STMN1: variants seen among roughly 807,000 people sequenced by gnomAD.
STMN1 encodes stathmin 1.
Under a neutral mutation model 19.7 loss-of-function variants are expected in STMN1, and 3 were observed. That is an observed-to-expected ratio of 0.15 (90% confidence interval 0.07 to 0.39). STMN1 has a LOEUF of 0.39. Among genes scored for constraint, STMN1 ranks in the 10% least tolerant of loss-of-function variants. The pLI is 1.00. For synonymous variants in STMN1, 59 were observed against 58.9 expected, an observed-to-expected ratio of 1.00 and a Z score of -0.01; for missense variants, 99 against 176.0, an observed-to-expected ratio of 0.56 and a Z score of 2.48.
chr1:25,890,761 G>A (rs1400061399), intron 4 of STMN1, among the ~76,000 whole-genome samples: 2 of 152,182 alleles, frequency 1.3e-5, no homozygotes, highest in African/African-American at 2.4e-5. Context: ...CAGCCCAGGA[G>A]ATCCTGCTAG....
downstream of STMN1, chr1:25,885,211 A>G (rs1376970455): frequency 6.5e-6 from 1 of 153,706 alleles, no homozygotes; most frequent in East Asian, 1.9e-4. Context: ...CTTCCCAGGA[A>G]AACTCCCACC....
At chr1:25,896,728 C>G (rs2048820796), downstream of STMN1, among the ~76,000 whole-genome samples, 1 of 152,192 alleles carries the variant, frequency 6.6e-6, no homozygotes, top group East Asian at 1.9e-4. Context: ...GTCAGAAACC[C>G]TTTCCTACGC....
intron 4 of STMN1, among the ~76,000 whole-genome samples, chr1:25,894,015 G>A (rs925416619): frequency 3.3e-5 from 5 of 152,204 alleles, no homozygotes; most frequent in Non-Finnish European, 7.4e-5. Context: ...ATCTCCTACA[G>A]GAATTCATCC....
At chr1:25,896,360 T>A (rs1027950649), downstream of STMN1, among the ~76,000 whole-genome samples, 3 of 152,108 alleles carry the variant, frequency 2.0e-5, no homozygotes, top group African/African-American at 7.2e-5. Flanking sequence ...CATGGGGACT[T>A]CCCCATCCCA....
At chr1:25,899,984 G>T, downstream of STMN1, 1 of 649,664 alleles carries the variant, frequency 1.5e-6, no homozygotes. Flanking sequence ...TCCCTGAATT[G>T]AGAGGCAAAG....
At chr1:25,891,714 TG>T (rs113239829) in intron 4 of STMN1, among the ~76,000 whole-genome samples, 120 of 152,280 alleles carry the variant, frequency 7.9e-4, no homozygotes, top group African/African-American at 2.7e-3. Flanking sequence ...GACAGGGCTG[TG>T]GAGGTGGGCC....
At chr1:25,885,170 T>C (rs2048711608), downstream of STMN1, 1 of 153,806 alleles carries the variant, frequency 6.5e-6, no homozygotes. Flanking sequence ...TACCCAAATG[T>C]TGATTCTGTC....
At chr1:25,902,938 G>A (rs1386465112) in intron 3 of STMN1, 2 of 152,180 alleles carry the variant, frequency 1.3e-5, no homozygotes, top group Non-Finnish European at 2.9e-5. Context: ...GAGAAAGGGA[G>A]TTAAATGAAA....
At position 25,901,498 on chromosome 1, in the gene STMN1, C is replaced by T. The variant is rs2048873994; in HGVS notation, c.371G>A (p.Arg124Gln). The T allele has an allele frequency of 3.1e-6, 5 of 1,607,014 alleles. No individual in the cohort carries two copies. The highest frequency in any genetic ancestry group is 3.4e-6 in the Non-Finnish European group (4 of 1,177,674). ...AQMAAKLERLREKDKHIEEVR... is the reference protein window; with the variant it reads ...AQMAAKLERLQEKDKHIEEVR... ...ACAAAGTAAGAAACCAACCTTCTCTCGCAAACGTTCCAGTTTGGCAGCCAT... is the reference window on the plus strand; with the variant it reads ...ACAAAGTAAGAAACCAACCTTCTCTTGCAAACGTTCCAGTTTGGCAGCCAT... The change falls in exon 4 of 5, where the codon CGA becomes CAA. Residue 124 changes from arginine (R) to glutamine (Q), a missense_variant. This residue lies in a region of STMN1 where 54 missense variants were observed against 79.4 expected (regional missense o/e 0.68). Transcript: ENST00000455785.
rs149572715 is a variant in STMN1 at position 25,885,930 on chromosome 1, G to A, written c.379-61C>T. On this transcript the variant is annotated intron_variant, in intron 4 of 4. Transcript: ENST00000426559. ...ACCCAGAGGCCAAGGGACAGGAGGT[G>A]GAGGGGCCCTTCATCAGGGCTAAAA... The A allele has an allele frequency of 7.9e-4, 1,164 of 1,477,754 alleles. 5 individuals carry two copies. In the African/African-American group the frequency reaches 0.015, roughly 19 times the overall value. The allele number at this position is 1,477,754 out of a possible 1,614,324, so 91.5% of individuals were successfully genotyped here.
intron 1 of STMN1, chr1:25,905,706 GC>G (rs955330038): frequency 7.3e-5 from 11 of 151,300 alleles, no homozygotes; most frequent in African/African-American, 1.2e-4. Context: ...CTGCGCGGAC[GC>G]CCCCCCCAAC....
At chr1:25,904,505 C>T (rs2048914814) in intron 2 of STMN1, among the ~76,000 whole-genome samples, 159 bp downstream of exon 2, 1 of 152,182 alleles carries the variant, frequency 6.6e-6, no homozygotes, top group Non-Finnish European at 1.5e-5. Context: ...GCTCTCGGCA[C>T]ATTCAAGTGA....
chr1:25,901,186 A>G, intron 4 of STMN1, 99 bp from the exon 5 acceptor site: 3 of 1,548,202 alleles, frequency 1.9e-6, no homozygotes, highest in Non-Finnish European at 2.6e-6. Context: ...GAGGCCCAAC[A>G]CAACCTCAGT....
chr1:25,901,448 A>T, intron 4 of STMN1, 43 bp downstream of exon 4: 1 of 1,560,932 alleles, frequency 6.4e-7, no homozygotes, highest in Non-Finnish European at 8.6e-7. Context: ...TCATTGGTGC[A>T]TCAAACTCCA....
At chr1:25,885,019 T>C (rs1162193220), downstream of STMN1, 1 of 153,770 alleles carries the variant, frequency 6.5e-6, no homozygotes, top group African/African-American at 2.4e-5. Flanking sequence ...GTGGTTGTAT[T>C]CCAGCTTCAT....
intron 3 of STMN1, chr1:25,903,009 A>C (rs2048893291): frequency 6.6e-6 from 1 of 152,198 alleles, no homozygotes; most frequent in Non-Finnish European, 1.5e-5. Flanking sequence ...AAATGTTAAC[A>C]CTGGTTGCTT....
At chr1:25,904,635 A>G (rs757933750) in intron 2 of STMN1, 29 bp downstream of exon 2, 1 of 1,605,464 alleles carries the variant, frequency 6.2e-7, no homozygotes, top group Non-Finnish European at 8.5e-7. Flanking sequence ...GCCCATTACA[A>G]TTTCAGATTT....
intron 4 of STMN1, chr1:25,892,677 C>A: frequency 4.6e-6 from 4 of 863,238 alleles, no homozygotes; most frequent in Non-Finnish European, 5.6e-6. Flanking sequence ...AACCAAACGC[C>A]CCCGGGCCTC....
intron 1 of STMN1, 23 bp from the exon 2 acceptor site, chr1:25,904,761 T>C (rs2048917677): frequency 1.9e-6 from 3 of 1,585,030 alleles, no homozygotes; most frequent in Non-Finnish European, 2.6e-6. Context: ...TTCAAAAACA[T>C]GCAATCACTT....
Sources: gnomAD v4.1 joint callset for allele counts (sites outside exome capture counted in the v4.1 genomes callset) on GRCh38, gnomAD v4.1.1 for gene constraint, gnomAD v4.1.1 regional missense constraint, MANE v1.5 for transcripts, NCBI Gene and HGNC (gene_info 2026-07-23, HGNC 2026-07-21) for gene names.